SPIRE1: variants seen among roughly 807,000 people sequenced by gnomAD.
SPIRE1 encodes protein spire homolog 1.
Under a neutral mutation model 94.1 loss-of-function variants are expected in SPIRE1, and 40 were observed. That is an observed-to-expected ratio of 0.43 (90% confidence interval 0.33 to 0.55). The LOEUF is 0.55. SPIRE1 is among the 20% of genes least tolerant of loss of function. The pLI is 0.06. For synonymous variants in SPIRE1, 376 were observed against 371.7 expected (o/e 1.01, Z -0.13); for missense variants, 838 against 975.2 (o/e 0.86, Z 1.87).
chr18:12,549,627 T>C (rs1340446063), intron 2 of SPIRE1, among the ~76,000 whole-genome samples: 2 of 151,504 alleles, frequency 1.3e-5, no homozygotes, highest in Non-Finnish European at 2.9e-5. Flanking sequence ...ACTTTTTGTA[T>C]TTTAGTAGAG....
At chr18:12,540,938 C>G (rs1160147971) in intron 3 of SPIRE1, among the ~76,000 whole-genome samples, 1 of 152,198 alleles carries the variant, frequency 6.6e-6, no homozygotes, top group African/African-American at 2.4e-5. Context: ...CCCCTTTGTG[C>G]AGCATATTTG....
intron 10 of SPIRE1, among the ~76,000 whole-genome samples, chr18:12,472,530 A>G (rs941744907): frequency 2.6e-5 from 4 of 151,412 alleles, no homozygotes; most frequent in African/African-American, 9.7e-5. Context: ...ACCATGCCAG[A>G]CTAAGTTCTT....
intron 4 of SPIRE1, among the ~76,000 whole-genome samples, chr18:12,513,510 T>C (rs948900184): frequency 1.3e-5 from 2 of 150,100 alleles, no homozygotes; most frequent in African/African-American, 2.5e-5. Flanking sequence ...TATTTATTTA[T>C]TTATTTATTT....
chr18:12,599,932 A>G (rs2036783930), intron 2 of SPIRE1, among the ~76,000 whole-genome samples: 2 of 152,094 alleles, frequency 1.3e-5, no homozygotes, highest in Non-Finnish European at 2.9e-5. Flanking sequence ...TGGGATGTTC[A>G]CTATTACAAA....
At chr18:12,485,106 C>CTTT (rs71371264) in intron 9 of SPIRE1, among the ~76,000 whole-genome samples, 14 of 133,900 alleles carry the variant, frequency 1.0e-4, no homozygotes, top group South Asian at 7.0e-4. Context: ...TTTTTATACT[C>CTTT]TTTTTTTTTT....
intron 2 of SPIRE1, among the ~76,000 whole-genome samples, chr18:12,607,992 T>TA (rs1420277148): frequency 1.3e-5 from 2 of 151,764 alleles, no homozygotes; most frequent in Non-Finnish European, 2.9e-5. Flanking sequence ...CCGTCTCTAC[T>TA]AAAAAAATAC....
intron 2 of SPIRE1, among the ~76,000 whole-genome samples, chr18:12,572,118 A>G (rs1367250063): frequency 1.3e-5 from 2 of 152,194 alleles, no homozygotes; most frequent in African/African-American, 4.8e-5. Context: ...CAAGAAGAAC[A>G]TGGAATGACT....
chr18:12,482,249 TCTC>T (rs1426592675), intron 9 of SPIRE1, among the ~76,000 whole-genome samples: 5 of 152,206 alleles, frequency 3.3e-5, no homozygotes, highest in African/African-American at 1.2e-4. Context: ...TTCAAGCGAT[TCTC>T]CTGCCTCAGC....
At chr18:12,650,229 A>G (rs907298008) in intron 1 of SPIRE1, among the ~76,000 whole-genome samples, 2 of 150,580 alleles carry the variant, frequency 1.3e-5, no homozygotes, top group African/African-American at 4.9e-5. Flanking sequence ...ACAGACTAAG[A>G]CTCTGTCTCA....
chr18:12,546,728 A>G lies in SPIRE1; in HGVS notation c.549T>C (p.Asp183=). ...CTGAGATTTTTCTCTTTTCATCTTC[A>G]TCTCCCAGGCCTTCTTCTGCAGCCT... The part of the protein sequence containing the change: ...GYEAAEEGLG[D]EDEKRKISAI... The change falls in exon 3 of 17, where the codon GAT becomes GAC. Residue 183 remains aspartate, a synonymous_variant. Coordinates refer to ENST00000409402, the MANE Select transcript of SPIRE1 (RefSeq NM_001128626.2). 2 of 1,614,090 alleles carry G rather than the reference A, an allele frequency of 1.2e-6. No homozygotes were observed. The highest frequency in any genetic ancestry group is 1.7e-6 in the Non-Finnish European group (2 of 1,180,032).
chr18:12,645,982 G>A (rs1418662002), intron 1 of SPIRE1, among the ~76,000 whole-genome samples: 1 of 152,154 alleles, frequency 6.6e-6, no homozygotes, highest in Non-Finnish European at 1.5e-5. Context: ...ATAATTAGTA[G>A]TGGCCACCTG....
intron 2 of SPIRE1, among the ~76,000 whole-genome samples, chr18:12,628,527 T>G (rs531482716): frequency 1.4e-4 from 21 of 152,232 alleles, no homozygotes; most frequent in Non-Finnish European, 2.8e-4. Context: ...GTCTTGGGAA[T>G]GCGGGCTCTT....
chr18:12,621,266 T>C lies in SPIRE1; in HGVS notation c.372+13796A>G, dbSNP rs923811804. 2.0e-5 allele frequency among the ~76,000 whole-genome samples: 3 copies of C among 152,220 alleles called. No homozygotes were observed. The East Asian group carries it at 5.8e-4, about 29-fold the overall frequency. On this transcript the variant is annotated intron_variant, in intron 2 of 16. Coordinates refer to ENST00000409402, the MANE Select transcript of SPIRE1 (RefSeq NM_001128626.2). ...GGATGTGGAAAAATCAGAACCCTTA[T>C]ACACTGAGATGTCAAAAGATAGAGT... is the stretch of plus-strand genomic sequence containing the variant.
chr18:12,506,145 G>A (rs906952939), intron 6 of SPIRE1, among the ~76,000 whole-genome samples: 8 of 151,912 alleles, frequency 5.3e-5, no homozygotes, highest in Non-Finnish European at 7.4e-5. Context: ...AACCATTTGA[G>A]TCCATTAATA....
intron 12 of SPIRE1, among the ~76,000 whole-genome samples, chr18:12,455,786 C>A (rs2031480802): frequency 6.6e-6 from 1 of 152,186 alleles, no homozygotes; most frequent in Non-Finnish European, 1.5e-5. Context: ...CACACACACA[C>A]AACAGCATCG....
intron 3 of SPIRE1, among the ~76,000 whole-genome samples, chr18:12,540,462 G>A (rs1052622821): frequency 6.6e-6 from 1 of 151,856 alleles, no homozygotes. Flanking sequence ...TGCAACCTCC[G>A]CCTCCCAGGT....
At chr18:12,631,292 GTA>G (rs1491483504) in intron 2 of SPIRE1, among the ~76,000 whole-genome samples, 1 of 150,836 alleles carries the variant, frequency 6.6e-6, no homozygotes, top group African/African-American at 2.4e-5. Context: ...TTTAAAATAT[GTA>G]TTAATTCATT....
chr18:12,518,763 T>C (rs1168912045), intron 4 of SPIRE1, among the ~76,000 whole-genome samples: 1 of 152,074 alleles, frequency 6.6e-6, no homozygotes, highest in Non-Finnish European at 1.5e-5. Flanking sequence ...ATTAAATACA[T>C]TTCATGACTG....
chr18:12,656,566 A>G (rs1334264223), intron 1 of SPIRE1: 5 of 233,714 alleles, frequency 2.1e-5, no homozygotes, highest in Non-Finnish European at 3.5e-5. Flanking sequence ...TCGAAATTAC[A>G]TCTTTCACCT....
Sources: gnomAD v4.1 joint callset for allele counts (sites outside exome capture counted in the v4.1 genomes callset) on GRCh38, gnomAD v4.1.1 for gene constraint, MANE v1.5 for transcripts, NCBI Gene and HGNC (gene_info 2026-07-23, HGNC 2026-07-21) for gene names.